RABL2A: variants seen among roughly 807,000 people sequenced by gnomAD.
RABL2A encodes RAB, member of RAS oncogene family like 2A, also known as rab-like protein 2A.
RABL2A carries 17 observed loss-of-function variants against 30.7 expected under a neutral mutation model. That is an observed-to-expected ratio of 0.55 (90% CI 0.38 to 0.83). The LOEUF is 0.83. RABL2A is among the 40% of genes least tolerant of loss of function. RABL2A has a pLI of 0.00. For synonymous variants in RABL2A, 64 were observed against 101.8 expected (o/e 0.63, Z 2.24); for missense variants, 155 against 272.6 (o/e 0.57, Z 3.04).
intron 5 of RABL2A, chr2:113,638,578 T>C (rs1309178420): frequency 1.6e-5 from 16 of 984,858 alleles, no homozygotes; most frequent in African/African-American, 1.8e-5. Context: ...TTAAAATAGG[T>C]AGAAACAGGC....
In RABL2A at chr2:113,634,206, C is replaced by T. The variant is rs200156130; in HGVS notation, c.191C>T (p.Thr64Met). 84 of 1,612,912 alleles carry T rather than the reference C, an allele frequency of 5.2e-5. No homozygotes were observed. Among genetic ancestry groups the T allele is most frequent in the African/African-American group, 1.9e-4 (14 of 74,884 alleles). ...CTGACCCTGTACAAGCACACAGCCACGGTAGATGGCAAGACCATCCTTGTG... is the reference window on the plus strand; with the variant it reads ...CTGACCCTGTACAAGCACACAGCCATGGTAGATGGCAAGACCATCCTTGTG... ...YALTLYKHTA[T>M]VDGKTILVDF... Residue 64 changes from threonine (T) to methionine (M), a missense_variant, in exon 4 of 9, where the codon ACG becomes ATG. Around this residue, in one of 5 missense-constraint regions of RABL2A, gnomAD observed 82 missense variants for 103.2 expected, o/e 0.79. Coordinates refer to ENST00000683472, the MANE Select transcript of RABL2A (RefSeq NM_001306158.2).
chr2:113,627,519 G>C (rs1678518661), intron 1 of RABL2A, 119 bp downstream of exon 1: 1 of 155,352 alleles, frequency 6.4e-6, no homozygotes, highest in Non-Finnish European at 1.4e-5. Flanking sequence ...AGGTGGCTTC[G>C]CGAGGCTGTT....
chr2:113,637,604 A>G (rs1244470327), intron 5 of RABL2A: 2 of 1,212,010 alleles, frequency 1.7e-6, no homozygotes, highest in Non-Finnish European at 2.1e-6. Flanking sequence ...GTTAAGAACA[A>G]AATCCCTTGA....
At chr2:113,632,556 G>A (rs545172355) in intron 2 of RABL2A, among the ~76,000 whole-genome samples, 22 of 152,242 alleles carry the variant, frequency 1.4e-4, no homozygotes, top group African/African-American at 4.6e-4. Flanking sequence ...GTGAGCCACC[G>A]CGCCCGACCG....
intron 2 of RABL2A, among the ~76,000 whole-genome samples, 156 bp downstream of exon 2, chr2:113,628,869 A>G (rs2592684): frequency 3.9e-5 from 6 of 151,932 alleles, no homozygotes; most frequent in African/African-American, 1.5e-4. Flanking sequence ...GGGGAATCAC[A>G]TGACCCGTTG....
chr2:113,643,360 T>C lies in RABL2A; in HGVS notation c.*1231T>C. 1 of 343,050 alleles carries C rather than the reference T, an allele frequency of 2.9e-6. No homozygotes were observed. The highest frequency in any genetic ancestry group is 2.2e-5 in the South Asian group (1 of 45,394). 21.3% of individuals were successfully genotyped at this position (343,050 alleles called of 1,614,324 possible). On this transcript the variant is annotated 3_prime_UTR_variant, in exon 9 of 9. Coordinates refer to ENST00000683472, the MANE Select transcript of RABL2A (RefSeq NM_001306158.2). ...TTAATAGGGTTTTGTTTTTATTGTT[T>C]CCTTTTTTACAGTAAAGGCTGAATG... is the stretch of plus-strand genomic sequence containing the variant.
rs571494703 is a variant in RABL2A at position 113,631,782 on chromosome 2, T to G, written c.108-1133T>G. Among the ~76,000 whole-genome samples the G allele has an allele frequency of 6.6e-5, 10 of 151,846 alleles. No individual in the cohort carries two copies. The South Asian group carries it at 1.9e-3, about 28-fold the overall frequency. On this transcript the variant is annotated intron_variant, in intron 2 of 8. Coordinates refer to ENST00000683472, the MANE Select transcript of RABL2A (RefSeq NM_001306158.2). ...TGCTTCTGCTTGGATGAGGCAAGTTTATGGATCTCTCCTCTTCCTCCTGCA... is the reference window on the plus strand; with the variant it reads ...TGCTTCTGCTTGGATGAGGCAAGTTGATGGATCTCTCCTCTTCCTCCTGCA...
intron 6 of RABL2A, 51 bp from the exon 7 acceptor site, chr2:113,641,302 A>G (rs1685055422): frequency 6.2e-7 from 1 of 1,613,028 alleles, no homozygotes; most frequent in Non-Finnish European, 8.5e-7. Flanking sequence ...CCCCCCCTCC[A>G]AACCTTCTTC....
chr2:113,637,347 C>A (rs1683291817), intron 5 of RABL2A: 42 of 1,004,798 alleles, frequency 4.2e-5, no homozygotes, highest in Non-Finnish European at 5.0e-5. Context: ...TGATGTTTGT[C>A]ATTAGCTTAG....
In RABL2A at chr2:113,641,445, G is replaced by C; in HGVS notation, c.502G>C (p.Val168Leu). Residue 168 changes from valine (V) to leucine (L), a missense_variant, in exon 7 of 9, where the codon GTG (valine) becomes CTG (leucine). By Grantham distance (32) the Val-to-Leu change is conservative. Around this residue, in one of 5 missense-constraint regions of RABL2A, gnomAD observed 24 missense variants for 69.4 expected, o/e 0.35. Coordinates refer to ENST00000683472, the MANE Select transcript of RABL2A (RefSeq NM_001306158.2). ...FVSAADGTNV[V>L]KLFNDAIRLA... is the part of the protein sequence containing the mutation. ...CTCGGCTGCTGATGGTACCAATGTT[G>C]TGAAGGTGTGGTTGACTGCAGAGGT... 1 of 1,612,358 alleles carries C rather than the reference G, an allele frequency of 6.2e-7. No individual in the cohort carries two copies. The highest frequency in any genetic ancestry group is 8.5e-7 in the Non-Finnish European group (1 of 1,179,524).
chr2:113,634,637 C>T (rs1681788218), intron 4 of RABL2A: 2 of 405,732 alleles, frequency 4.9e-6, no homozygotes, highest in Non-Finnish European at 4.6e-6. Context: ...TGCGACCTTC[C>T]ATCGGGTCAT....
chr2:113,635,490 C>G (rs1363913080), intron 5 of RABL2A: 6 of 371,738 alleles, frequency 1.6e-5, no homozygotes, highest in East Asian at 6.8e-5. Flanking sequence ...TGCTGCCTTT[C>G]CCTAGGGGGC....
chr2:113,638,093 C>G, intron 5 of RABL2A: 1 of 985,458 alleles, frequency 1.0e-6, no homozygotes, highest in Non-Finnish European at 1.2e-6. Flanking sequence ...AACAGATGCT[C>G]AGGAAACCAG....
At chr2:113,635,401 A>T in intron 5 of RABL2A, 1 of 511,396 alleles carries the variant, frequency 2.0e-6, no homozygotes, top group Non-Finnish European at 3.6e-6. Flanking sequence ...AGAGGCAAAC[A>T]TGCCTGAAAC....
chr2:113,635,715 C>T (rs1276537259), intron 5 of RABL2A, among the ~76,000 whole-genome samples: 1 of 152,216 alleles, frequency 6.6e-6, no homozygotes, highest in African/African-American at 2.4e-5. Flanking sequence ...AAACCTGTGT[C>T]CTATAGAAGT....
chr2:113,639,255 C>A (rs928510666), intron 5 of RABL2A, among the ~76,000 whole-genome samples: 1 of 152,092 alleles, frequency 6.6e-6, no homozygotes, highest in African/African-American at 2.4e-5. Flanking sequence ...CACTGCACTC[C>A]AGCCTGGCTG....
intron 2 of RABL2A, among the ~76,000 whole-genome samples, chr2:113,629,536 AT>A (rs796575829): frequency 0.15 from 20,858 of 140,868 alleles, 1,419 homozygotes; most frequent in South Asian, 0.18. Flanking sequence ...CTGGTTTAGA[AT>A]TTTTTTTTTT....
At chr2:113,635,913 C>T (rs767592133) in intron 5 of RABL2A, among the ~76,000 whole-genome samples, 35 of 148,510 alleles carry the variant, frequency 2.4e-4, no homozygotes, top group Non-Finnish European at 4.0e-4. Flanking sequence ...TTGAGACCAG[C>T]GTGGCCAACA....
intron 5 of RABL2A, among the ~76,000 whole-genome samples, chr2:113,637,070 C>G (rs1026849656): frequency 6.6e-6 from 1 of 152,186 alleles, no homozygotes; most frequent in Non-Finnish European, 1.5e-5. Flanking sequence ...GCCCTACCTC[C>G]CACTTAGTGA....
Sources: allele counts gnomAD v4.1 joint callset (sites outside exome capture counted in the v4.1 genomes callset), GRCh38; gene constraint gnomAD v4.1.1; regional missense constraint gnomAD v4.1.1; transcripts MANE v1.5; gene names NCBI Gene and HGNC (gene_info 2026-07-23, HGNC 2026-07-21).